The following ARL15 variants were observed in gnomAD, a reference collection of about 807,000 sequenced individuals.
ARL15 encodes ADP-ribosylation factor-like protein 15.
In ARL15, 19 loss-of-function variants were observed where a neutral mutation model predicts 25.2. The observed-to-expected ratio is 0.75, with a 90% CI of 0.53 to 1.10. ARL15 has a LOEUF of 1.10. Ranked by LOEUF, ARL15 falls within the 50% of genes least tolerant of loss-of-function variation. ARL15 has a pLI of 0.00. For missense variants in ARL15, 220 were observed against 246.0 expected (o/e 0.89, Z 0.71); for synonymous variants, 94 against 86.8 (o/e 1.08, Z -0.46).
chr5:54,060,995 G>T (rs1215487339), intron 4 of ARL15, among the ~76,000 whole-genome samples: 2 of 152,186 alleles, frequency 1.3e-5, no homozygotes, highest in Admixed American at 6.5e-5. Flanking sequence ...GCCAGCTGCA[G>T]AAATTTACAT....
rs531411869 is a variant in ARL15, at chr5:54,250,728, A to G, written c.48+59704T>C. The stretch of plus-strand genomic sequence containing the variant: ...GGCCATTGAAGATGGAGCAGAGTCC[A>G]CAGGTCCTGGGGGCAGCCTGGAGGG... On this transcript the variant is annotated intron_variant, in intron 1 of 4. Coordinates refer to ENST00000504924, the MANE Select transcript of ARL15 (RefSeq NM_019087.3). Among the ~76,000 whole-genome samples the G allele has an allele frequency of 6.0e-4, 92 of 152,254 alleles. 1 individual carries two copies. The highest frequency in any genetic ancestry group is 1.1e-3 in the Non-Finnish European group (77 of 68,026).
intron 1 of ARL15, among the ~76,000 whole-genome samples, chr5:54,220,963 T>C (rs1358095445): frequency 6.6e-6 from 1 of 152,042 alleles, no homozygotes; most frequent in Non-Finnish European, 1.5e-5. Context: ...AATTCCAGAA[T>C]TTAGGGAGTG....
At chr5:53,927,534 T>G (rs1187703671) in intron 4 of ARL15, among the ~76,000 whole-genome samples, 2 of 152,200 alleles carry the variant, frequency 1.3e-5, no homozygotes, top group Non-Finnish European at 2.9e-5. Flanking sequence ...AAAGTTTCCC[T>G]AGGTCCGCAT....
chr5:53,896,352 CT>C (rs1744873067), intron 4 of ARL15, among the ~76,000 whole-genome samples: 1 of 151,842 alleles, frequency 6.6e-6, no homozygotes, highest in Non-Finnish European at 1.5e-5. Context: ...CATTTTTATA[CT>C]CTTAATGTTA....
At chr5:54,034,877 C>T (rs1297819451) in intron 4 of ARL15, among the ~76,000 whole-genome samples, 1 of 151,316 alleles carries the variant, frequency 6.6e-6, no homozygotes, top group Non-Finnish European at 1.5e-5. Context: ...ATTGTGTTGA[C>T]AGGCCGGTCT....
intron 1 of ARL15, among the ~76,000 whole-genome samples, chr5:54,176,091 A>G (rs1561253800): frequency 6.6e-6 from 1 of 152,198 alleles, no homozygotes. Context: ...TCCAGGCTCT[A>G]TAGTTCCAGC....
chr5:54,244,608 T>C (rs1432716231), intron 1 of ARL15, among the ~76,000 whole-genome samples: 1 of 152,196 alleles, frequency 6.6e-6, no homozygotes, highest in Non-Finnish European at 1.5e-5. Context: ...TAACTTCCTG[T>C]TATAAATATA....
chr5:54,144,825 A>T (rs1400013342), intron 3 of ARL15, among the ~76,000 whole-genome samples: 2 of 152,152 alleles, frequency 1.3e-5, no homozygotes, highest in Non-Finnish European at 1.5e-5. Context: ...ACCCACACTC[A>T]AGGATTTAGT....
chr5:54,203,427 T>A (rs1190529805), intron 1 of ARL15, among the ~76,000 whole-genome samples: 2 of 152,216 alleles, frequency 1.3e-5, no homozygotes, highest in Non-Finnish European at 2.9e-5. Context: ...CCCTTTCTCA[T>A]CTATTGGAAT....
chr5:54,296,835 G>C (rs1758478122), intron 1 of ARL15, among the ~76,000 whole-genome samples: 1 of 152,220 alleles, frequency 6.6e-6, no homozygotes, highest in African/African-American at 2.4e-5. Flanking sequence ...GGTAGTGAAA[G>C]GTTGGGAGAA....
intron 4 of ARL15, among the ~76,000 whole-genome samples, chr5:53,996,682 G>A (rs1412319050): frequency 6.6e-6 from 1 of 150,688 alleles, no homozygotes; most frequent in Non-Finnish European, 1.5e-5. Context: ...CTAACATCTA[G>A]GTCTATATGA....
chr5:53,887,451 C>G (rs571529175), intron 4 of ARL15: 1 of 692,040 alleles, frequency 1.4e-6, no homozygotes, highest in South Asian at 1.5e-5. Context: ...AATAACCAGT[C>G]ACAAGTCACT....
intron 3 of ARL15, among the ~76,000 whole-genome samples, chr5:54,137,923 G>A (rs922401119): frequency 6.6e-6 from 1 of 151,794 alleles, no homozygotes; most frequent in Non-Finnish European, 1.5e-5. Flanking sequence ...ATAATATGAG[G>A]AGAACATGCA....
chr5:54,006,908 T>C (rs1749064391), intron 4 of ARL15, among the ~76,000 whole-genome samples: 1 of 152,028 alleles, frequency 6.6e-6, no homozygotes, highest in Non-Finnish European at 1.5e-5. Context: ...CTGACCAACA[T>C]GGAGAAACCC....
intron 1 of ARL15, among the ~76,000 whole-genome samples, chr5:54,193,169 C>T (rs1481241695): frequency 1.3e-5 from 2 of 152,124 alleles, no homozygotes; most frequent in African/African-American, 2.4e-5. Flanking sequence ...AGTATCAATC[C>T]TACCACCCAC....
At chr5:54,078,611 G>C (rs573107626) in intron 4 of ARL15, among the ~76,000 whole-genome samples, 120 of 152,270 alleles carry the variant, frequency 7.9e-4, no homozygotes, top group African/African-American at 2.8e-3. Context: ...CATAAGACAG[G>C]AGTATCCTCC....
chr5:54,003,089 G>C (rs1748899874), intron 4 of ARL15, among the ~76,000 whole-genome samples: 2 of 152,268 alleles, frequency 1.3e-5, no homozygotes, highest in South Asian at 4.1e-4. Flanking sequence ...GAAGCACTGT[G>C]GTGAAGGGCA....
intron 4 of ARL15, among the ~76,000 whole-genome samples, chr5:53,906,212 C>T (rs1387481376): frequency 6.6e-6 from 1 of 152,184 alleles, no homozygotes; most frequent in East Asian, 1.9e-4. Context: ...GTCGTGGACA[C>T]CAAATATGTA....
intron 1 of ARL15, among the ~76,000 whole-genome samples, chr5:54,214,607 C>T (rs1342214149): frequency 2.0e-5 from 3 of 152,080 alleles, no homozygotes; most frequent in African/African-American, 4.8e-5. Context: ...CCGCATTACA[C>T]GAAAATGTGT....
Sources: gnomAD v4.1 joint callset for allele counts (sites outside exome capture counted in the v4.1 genomes callset) on GRCh38, gnomAD v4.1.1 for gene constraint, MANE v1.5 for transcripts, NCBI Gene and HGNC (gene_info 2026-07-23, HGNC 2026-07-21) for gene names.